Variants in CLEC17A observed in about 807,000 individuals in gnomAD.
The protein encoded by CLEC17A is C-type lectin domain containing 17A.
Under a neutral mutation model 61.3 loss-of-function variants are expected in CLEC17A, and 37 were observed. That is an observed-to-expected ratio of 0.60 (90% confidence interval 0.46 to 0.79). The LOEUF is 0.79. Ranked by LOEUF, CLEC17A falls within the 30% of genes least tolerant of loss-of-function variation. The pLI is 0.00. For missense variants in CLEC17A, 418 were observed against 464.7 expected (o/e 0.90, Z 0.92); for synonymous variants, 168 against 164.9 (o/e 1.02, Z -0.14).
chr19:14,607,430 C>T (rs898127792), intron 13 of CLEC17A, among the ~76,000 whole-genome samples: 4 of 151,778 alleles, frequency 2.6e-5, no homozygotes, highest in Non-Finnish European at 5.9e-5. Flanking sequence ...GTCTTGATCT[C>T]CTGACCTCGT....
chr19:14,600,553 T>G (rs1224502182), intron 12 of CLEC17A, among the ~76,000 whole-genome samples: 1 of 152,148 alleles, frequency 6.6e-6, no homozygotes, highest in Non-Finnish European at 1.5e-5. Flanking sequence ...TATACATTAG[T>G]ATGCCAGTCG....
chr19:14,607,064 G>T lies in CLEC17A; in HGVS notation c.966G>T (p.Gly322=), dbSNP rs966576534. Residue 322 remains glycine (G), a synonymous_variant, in exon 13 of 14, where the codon GGG becomes GGT. Transcript: ENST00000417570. ...GGCTGAATGACAGGGCCCAGGAAGG[G>T]GACTGGAGGTGGCTGGATGGGTCTC... ...WLGLNDRAQE[G]DWRWLDGSPV... is the part of the protein sequence containing the mutation. The T allele has an allele frequency of 7.4e-7, 1 of 1,347,272 alleles. No homozygotes were observed. Among genetic ancestry groups the T allele is most frequent in the Admixed American group, 3.0e-5 (1 of 33,526 alleles). The allele number at this position is 1,347,272 out of a possible 1,614,324, so 83.5% of individuals were successfully genotyped here.
intron 2 of CLEC17A, among the ~76,000 whole-genome samples, chr19:14,587,263 T>TGTGTGTGTG (rs71733825): frequency 0.063 from 8,525 of 136,020 alleles, 338 homozygotes; most frequent in African/African-American, 0.12. Flanking sequence ...GTGTGTGTGT[T>TGTGTGTGTG]TGTGTTTGTG....
At chr19:14,588,069 G>A (rs2074328098) in intron 3 of CLEC17A, among the ~76,000 whole-genome samples, 1 of 152,088 alleles carries the variant, frequency 6.6e-6, no homozygotes, top group Admixed American at 6.6e-5. Flanking sequence ...TTGAGAAACT[G>A]GGAGTGGACT....
intron 3 of CLEC17A, among the ~76,000 whole-genome samples, chr19:14,590,868 T>TC (rs1234159170): frequency 1.3e-5 from 2 of 151,526 alleles, no homozygotes; most frequent in African/African-American, 4.9e-5. Flanking sequence ...TCTAATTTTT[T>TC]TTTTTTTTTT....
chr19:14,607,314 C>G (rs933825742), intron 13 of CLEC17A, among the ~76,000 whole-genome samples: 1 of 151,060 alleles, frequency 6.6e-6, no homozygotes, highest in Non-Finnish European at 1.5e-5. Context: ...AAGGTATTCT[C>G]TGCCTCAGCC....
intron 10 of CLEC17A, among the ~76,000 whole-genome samples, chr19:14,598,569 G>A (rs1487064313): frequency 6.6e-6 from 1 of 151,848 alleles, no homozygotes; most frequent in Non-Finnish European, 1.5e-5. Context: ...CCCCTCCCAG[G>A]TTCAAGTGAT....
rs546142614 is a variant in CLEC17A at position 14,600,743 on chromosome 19, G to A, written c.894+561G>A. Among the ~76,000 whole-genome samples, 217 of 151,352 alleles carry A rather than the reference G, an allele frequency of 1.4e-3. 1 individual carries two copies. The highest frequency in any genetic ancestry group is 1.5e-3 in the Non-Finnish European group (105 of 67,852). ...ACTACAGGTGCCCACCACCACGCCCGGCTAATTTTGTTTTTGTATTTTTAG... is the reference window on the plus strand; with the variant it reads ...ACTACAGGTGCCCACCACCACGCCCAGCTAATTTTGTTTTTGTATTTTTAG... On this transcript the variant is annotated intron_variant, in intron 12 of 13. Transcript: ENST00000417570.
At position 14,586,214 on chromosome 19, in the gene CLEC17A, C is replaced by T. The variant is rs1167952433; in HGVS notation, c.122-1400C>T. On this transcript the variant is annotated intron_variant, in intron 2 of 13. Coordinates refer to ENST00000417570, the MANE Select transcript of CLEC17A (RefSeq NM_001204118.2). ...AATCTTGGCTGACAGCAACCTCTGCCTCCCGGGTTCAAGTGATTCTCCTGA... is the reference window on the plus strand; with the variant it reads ...AATCTTGGCTGACAGCAACCTCTGCTTCCCGGGTTCAAGTGATTCTCCTGA... 2.0e-5 allele frequency among the ~76,000 whole-genome samples: 3 copies of T among 151,788 alleles called. No individual in the cohort carries two copies. The South Asian group carries it at 6.2e-4, about 32-fold the overall frequency.
chr19:14,583,414 A>G lies in CLEC17A; in HGVS notation c.101A>G (p.Lys34Arg). Residue 34 changes from lysine to arginine, a missense_variant, in exon 2 of 14, where the codon AAG becomes AGG. Lys to Arg is a conservative substitution (Grantham distance 26). Transcript: ENST00000417570. Reference sequence around the variant, plus strand: ...TATGAGAACTCAACACCTCCCTACAAGGACCTTCCTCCCAAGCCAGGTAAG... The same window carrying G: ...TATGAGAACTCAACACCTCCCTACAGGGACCTTCCTCCCAAGCCAGGTAAG... ...DDYENSTPPY[K>R]DLPPKPGTME... The G allele has an allele frequency of 3.7e-6, 6 of 1,612,490 alleles. No individual in the cohort carries two copies. Among genetic ancestry groups the G allele is most frequent in the Non-Finnish European group, 5.1e-6 (6 of 1,179,230 alleles).
Position 14,594,516 on chromosome 19 carries a change from G to A in CLEC17A, c.278-1G>A, listed in dbSNP as rs752221536. On this transcript the variant is annotated splice_acceptor_variant, in intron 4 of 13. Coordinates refer to ENST00000417570, the MANE Select transcript of CLEC17A (RefSeq NM_001204118.2). LOFTEE classifies it high-confidence loss of function. ...CCTCACCCTGAGCTTCTCTTCTCCA[G>A]GTTCAAGTGCTCCACCAAGACCTCC... 2 of 1,585,136 alleles carry A rather than the reference G, an allele frequency of 1.3e-6. No individual in the cohort carries two copies. The highest frequency in any genetic ancestry group is 1.8e-5 in the Admixed American group (1 of 54,402).
chr19:14,582,158 CT>C (rs909911058), upstream of CLEC17A, among the ~76,000 whole-genome samples: 1 of 151,646 alleles, frequency 6.6e-6, no homozygotes, highest in Admixed American at 6.6e-5. Flanking sequence ...ACCACATTGC[CT>C]TTTTTTTGTG....
At chr19:14,599,597 G>A in intron 10 of CLEC17A, 120 bp from the exon 11 acceptor site, 1 of 757,750 alleles carries the variant, frequency 1.3e-6, no homozygotes, top group East Asian at 2.7e-5. Context: ...GTGACCCACT[G>A]GAATGTGGAC....
At chr19:14,582,978 T>A, upstream of CLEC17A, 1 of 611,850 alleles carries the variant, frequency 1.6e-6, no homozygotes, top group Non-Finnish European at 2.9e-6. Flanking sequence ...TGTGTGTGTG[T>A]GTGTGTGTGT....
At chr19:14,606,888 G>C (rs1407752055) in intron 12 of CLEC17A, 105 bp from the exon 13 acceptor site, 3 of 409,902 alleles carry the variant, frequency 7.3e-6, no homozygotes, top group Non-Finnish European at 8.2e-6. Context: ...GGTTGTGGGA[G>C]GTGACGTTCC....
At chr19:14,595,138 C>T (rs2074513193) in intron 7 of CLEC17A, 136 bp from the exon 8 acceptor site, 5 of 1,000,698 alleles carry the variant, frequency 5.0e-6, no homozygotes, top group Non-Finnish European at 7.7e-6. Flanking sequence ...TCCGACAGTG[C>T]TGGAATTACA....
At chr19:14,605,459 A>G (rs959158276) in intron 12 of CLEC17A, among the ~76,000 whole-genome samples, 8 of 152,168 alleles carry the variant, frequency 5.3e-5, no homozygotes, top group Admixed American at 5.2e-4. Context: ...TGTGATTTGC[A>G]TATAGTAAAA....
intron 3 of CLEC17A, chr19:14,588,484 C>G (rs112280398): frequency 6.6e-6 from 1 of 151,752 alleles, no homozygotes; most frequent in South Asian, 2.1e-4. Flanking sequence ...AGTTTGGCAT[C>G]AATATGGTGA....
chr19:14,599,829 G>T lies in CLEC17A; in HGVS notation c.742+17G>T. On this transcript the variant is annotated intron_variant, in intron 11 of 13. Coordinates refer to ENST00000417570, the MANE Select transcript of CLEC17A (RefSeq NM_001204118.2). Reference sequence around the variant, plus strand: ...GCTTATTAGGTAAGTGAGACTTGGGGAATTGCCCAGGGATGGGGGGCATGG... The same window carrying T: ...GCTTATTAGGTAAGTGAGACTTGGGTAATTGCCCAGGGATGGGGGGCATGG... 1 of 1,602,570 alleles carries T rather than the reference G, an allele frequency of 6.2e-7. No individual in the cohort carries two copies. The highest frequency in any genetic ancestry group is 8.5e-7 in the Non-Finnish European group (1 of 1,171,192).
Sources: gnomAD v4.1 joint callset for allele counts (sites outside exome capture counted in the v4.1 genomes callset) on GRCh38, gnomAD v4.1.1 for gene constraint, MANE v1.5 for transcripts, NCBI Gene and HGNC (gene_info 2026-07-23, HGNC 2026-07-21) for gene names.